The following ZNF138 variants were observed in gnomAD, a reference collection of about 807,000 sequenced individuals.
ZNF138 encodes the protein zinc finger protein 138.
In ZNF138, 33 loss-of-function variants were observed where a neutral mutation model predicts 33.0. That is an observed-to-expected ratio of 1.00 (90% CI 0.76 to 1.34). ZNF138 has a LOEUF of 1.34. Ranked by LOEUF, ZNF138 falls within the 40% of genes most tolerant of loss-of-function variation. The pLI, the probability that ZNF138 is intolerant of heterozygous loss-of-function variation, is 0.00. For synonymous variants in ZNF138, 139 were observed against 120.4 expected (o/e 1.15, Z -1.01); for missense variants, 360 against 370.8 (o/e 0.97, Z 0.24).
intron 1 of ZNF138, among the ~76,000 whole-genome samples, chr7:64,798,426 C>T (rs1259934079): frequency 6.6e-6 from 1 of 152,168 alleles, no homozygotes; most frequent in African/African-American, 2.4e-5. Context: ...AAAAATTCGG[C>T]TATTTTTTTA....
At chr7:64,804,119 C>T (rs1201894825) in intron 1 of ZNF138, among the ~76,000 whole-genome samples, 4 of 152,226 alleles carry the variant, frequency 2.6e-5, no homozygotes, top group African/African-American at 4.8e-5. Context: ...TGCCCAATTT[C>T]TGCCTCCAAA....
At chr7:64,805,127 A>G (rs898926206) in intron 1 of ZNF138, among the ~76,000 whole-genome samples, 11 of 152,118 alleles carry the variant, frequency 7.2e-5, no homozygotes, top group Non-Finnish European at 1.3e-4. Flanking sequence ...GGCCGGGCGC[A>G]GTGGCTCACA....
At chr7:64,848,790 C>T in the ZNF138 span, among the ~76,000 whole-genome samples, 1 of 150,104 alleles carries the variant, frequency 6.7e-6, no homozygotes, top group African/African-American at 2.5e-5. Context: ...CTGCAGGCTC[C>T]ACCTCCCGGG....
the ZNF138 span, among the ~76,000 whole-genome samples, chr7:64,852,081 T>C: frequency 1.3e-5 from 2 of 152,202 alleles, no homozygotes; most frequent in African/African-American, 4.8e-5. Flanking sequence ...CTGTGCTATG[T>C]GGAAGCACAT....
intron 1 of ZNF138, among the ~76,000 whole-genome samples, chr7:64,811,327 A>G (rs1042773081): frequency 6.6e-6 from 1 of 152,204 alleles, no homozygotes; most frequent in Non-Finnish European, 1.5e-5. Flanking sequence ...TTGCATTAGT[A>G]CATGTGAAAA....
At chr7:64,845,053 C>T in the ZNF138 span, among the ~76,000 whole-genome samples, 1 of 152,006 alleles carries the variant, frequency 6.6e-6, no homozygotes, top group African/African-American at 2.4e-5. Context: ...TATAATTAAC[C>T]CAATTTGTAG....
intron 2 of ZNF138, 47 bp downstream of exon 2, chr7:64,815,091 CA>C (rs758447607): frequency 1.4e-5 from 19 of 1,333,820 alleles, no homozygotes; most frequent in Non-Finnish European, 1.8e-5. Context: ...CTAAAGGTTT[CA>C]TTTTTTTTTT....
At chr7:64,815,994 T>A (rs542070610) in intron 3 of ZNF138, among the ~76,000 whole-genome samples, 1 of 152,348 alleles carries the variant, frequency 6.6e-6, no homozygotes, top group African/African-American at 2.4e-5. Context: ...TAAACTATAT[T>A]TTAAGTTCTC....
the ZNF138 span, among the ~76,000 whole-genome samples, chr7:64,850,055 C>T: frequency 6.6e-6 from 1 of 152,214 alleles, no homozygotes; most frequent in Non-Finnish European, 1.5e-5. Flanking sequence ...CCTGGCAGCC[C>T]TCCCCAAGGG....
intron 3 of ZNF138, among the ~76,000 whole-genome samples, chr7:64,830,131 GT>G (rs967533843): frequency 6.6e-6 from 1 of 151,872 alleles, no homozygotes; most frequent in Non-Finnish European, 1.5e-5. Flanking sequence ...AAATTAACTG[GT>G]TATCTCATAA....
chr7:64,824,458 G>A (rs1469539449), intron 3 of ZNF138, among the ~76,000 whole-genome samples: 2 of 152,124 alleles, frequency 1.3e-5, no homozygotes, highest in Non-Finnish European at 2.9e-5. Context: ...TCCTGTGTAT[G>A]CAAAATAATT....
At chr7:64,835,297 G>A (rs897097157), downstream of ZNF138, 3 of 152,264 alleles carry the variant, frequency 2.0e-5, no homozygotes, top group African/African-American at 4.8e-5. Flanking sequence ...ACTTCCTGCT[G>A]TTAAGGGGTG....
chr7:64,800,120 T>C (rs896311631), intron 1 of ZNF138, among the ~76,000 whole-genome samples: 3 of 152,176 alleles, frequency 2.0e-5, no homozygotes, highest in Admixed American at 1.3e-4. Flanking sequence ...TCTCTAGATA[T>C]AGAATTATGT....
chr7:64,835,226 G>C (rs1258409708), downstream of ZNF138: 1 of 152,130 alleles, frequency 6.6e-6, no homozygotes, highest in Non-Finnish European at 1.5e-5. Flanking sequence ...AGTCTTCACT[G>C]GAGTCCAATC....
intron 1 of ZNF138, among the ~76,000 whole-genome samples, chr7:64,803,794 TAA>T (rs1384540917): frequency 1.6e-5 from 2 of 123,382 alleles, no homozygotes; most frequent in East Asian, 2.2e-4. Flanking sequence ...AAAATTATAC[TAA>T]GTGTATCTAA....
Position 64,813,435 on chromosome 7 carries a change from G to T in ZNF138, c.4-1483G>T, listed in dbSNP as rs200140814. 1.1e-3 allele frequency among the ~76,000 whole-genome samples: 149 copies of T among 130,328 alleles called. 2 individuals carry two copies. Among genetic ancestry groups the T allele is most frequent in the African/African-American group, 3.1e-3 (120 of 38,298 alleles). 85.5% of individuals were successfully genotyped at this position (130,328 alleles called of 152,430 possible). On this transcript the variant is annotated intron_variant, in intron 1 of 3. Transcript: ENST00000307355. ...TGTATCTTAAAGTTTGCATAAAAAT[G>T]ATTTTTTTTTTTTTTTTTAATGGAG...
chr7:64,814,247 C>A, intron 1 of ZNF138: 2 of 553,930 alleles, frequency 3.6e-6, no homozygotes, highest in Non-Finnish European at 4.9e-6. Flanking sequence ...CACATTAAAA[C>A]TTGAGAGGTA....
rs1790175352 is a variant in ZNF138, at chr7:64,832,452, T to C, written c.*250T>C. On this transcript the variant is annotated 3_prime_UTR_variant, in exon 4 of 4. Transcript: ENST00000307355. ...ATGTGGAAAAGCTTTTCACCGATAC[T>C]CAATCCTTAGTACACATAAGAAAAT... The C allele has an allele frequency of 1.4e-5, 19 of 1,400,186 alleles. No homozygotes were observed. The highest frequency in any genetic ancestry group is 1.7e-5 in the Non-Finnish European group (18 of 1,058,874). The allele number at this position is 1,400,186 out of a possible 1,614,324, so 86.7% of individuals were successfully genotyped here.
the ZNF138 span, among the ~76,000 whole-genome samples, chr7:64,843,620 CTT>C: frequency 6.6e-6 from 1 of 151,864 alleles, no homozygotes; most frequent in Non-Finnish European, 1.5e-5. Context: ...TTTTAATAGT[CTT>C]TTGTCATATA....
Sources: gnomAD v4.1 joint callset for allele counts (sites outside exome capture counted in the v4.1 genomes callset) on GRCh38, gnomAD v4.1.1 for gene constraint, MANE v1.5 for transcripts, NCBI Gene and HGNC (gene_info 2026-07-23, HGNC 2026-07-21) for gene names.